Variants in CTNNBL1 observed in about 807,000 individuals in gnomAD.
The protein encoded by CTNNBL1 is beta-catenin-like protein 1.
A neutral mutation model predicts 72.7 loss-of-function variants in CTNNBL1; 31 were observed. The ratio of observed to expected loss-of-function variants is 0.43; its 90% CI spans 0.32 to 0.58. The LOEUF (loss-of-function observed/expected upper bound fraction) is 0.58. CTNNBL1 is among the 20% of genes least tolerant of loss of function. The pLI is 0.08. For missense variants in CTNNBL1, 534 were observed against 725.1 expected (o/e 0.74, Z 3.03); for synonymous variants, 240 against 267.3 (o/e 0.90, Z 1.00).
At chr20:37,836,750 G>A (rs893187218) in intron 11 of CTNNBL1, among the ~76,000 whole-genome samples, 1 of 152,202 alleles carries the variant, frequency 6.6e-6, no homozygotes. Flanking sequence ...CAGTGGATGA[G>A]GGAGTAATCT....
intron 10 of CTNNBL1, among the ~76,000 whole-genome samples, chr20:37,801,775 G>A (rs1324632641): frequency 6.6e-6 from 1 of 152,138 alleles, no homozygotes; most frequent in Admixed American, 6.5e-5. Flanking sequence ...AAGAGTGGAT[G>A]TTTCCCCCCT....
intron 1 of CTNNBL1, among the ~76,000 whole-genome samples, chr20:37,712,790 C>T (rs1387742555): frequency 5.3e-5 from 8 of 152,140 alleles, no homozygotes; most frequent in East Asian, 3.8e-4. Context: ...GAGATATGAA[C>T]GGGCAGAGAT....
chr20:37,840,274 T>C, intron 12 of CTNNBL1, 75 bp downstream of exon 12: 1 of 1,134,806 alleles, frequency 8.8e-7, no homozygotes, highest in Non-Finnish European at 1.3e-6. Flanking sequence ...ATCTGAGGGA[T>C]ACTGGGTTGA....
chr20:37,762,311 A>G (rs553835611), intron 5 of CTNNBL1, among the ~76,000 whole-genome samples: 14 of 152,340 alleles, frequency 9.2e-5, no homozygotes, highest in African/African-American at 3.4e-4. Context: ...AAAAATCCCA[A>G]TCTCATTCTT....
intron 11 of CTNNBL1, among the ~76,000 whole-genome samples, chr20:37,826,133 C>T (rs1461814901): frequency 6.6e-6 from 1 of 152,310 alleles, no homozygotes; most frequent in Non-Finnish European, 1.5e-5. Context: ...CACATCATTC[C>T]GGTCTGTTCC....
At chr20:37,722,364 C>T (rs2073047949) in intron 1 of CTNNBL1, among the ~76,000 whole-genome samples, 1 of 152,036 alleles carries the variant, frequency 6.6e-6, no homozygotes, top group Admixed American at 6.6e-5. Flanking sequence ...GTCCCAGCCA[C>T]TTGGGAGGCT....
chr20:37,702,091 G>T (rs2072849880), intron 1 of CTNNBL1, among the ~76,000 whole-genome samples: 1 of 152,168 alleles, frequency 6.6e-6, no homozygotes, highest in Non-Finnish European at 1.5e-5. Flanking sequence ...GTGTTGTCCA[G>T]GCTGGTCTTG....
At chr20:37,701,107 G>T (rs1305247450) in intron 1 of CTNNBL1, among the ~76,000 whole-genome samples, 1 of 152,130 alleles carries the variant, frequency 6.6e-6, no homozygotes, top group Non-Finnish European at 1.5e-5. Flanking sequence ...ATTTTGTGAG[G>T]CTAGAACCAT....
chr20:37,757,536 G>T lies in CTNNBL1; in HGVS notation c.467-23G>T, dbSNP rs6126084. On this transcript the variant is annotated intron_variant, in intron 4 of 15. Transcript: ENST00000361383. The stretch of plus-strand genomic sequence containing the variant: ...ATACTGGTACCGTTTCAGTATGTGT[G>T]TTATACCCTTAACATTTTTCACATG... 763 of 1,565,030 alleles carry T rather than the reference G, an allele frequency of 4.9e-4. 6 individuals are homozygous for T. In the East Asian group the frequency reaches 0.016, roughly 34 times the overall value.
intron 5 of CTNNBL1, among the ~76,000 whole-genome samples, chr20:37,764,530 A>T (rs1053598195): frequency 3.3e-5 from 5 of 152,230 alleles, no homozygotes; most frequent in African/African-American, 1.2e-4. Context: ...CAGCTGTATG[A>T]TGTGGCTACT....
At chr20:37,767,265 A>AT (rs1491264033) in intron 6 of CTNNBL1, among the ~76,000 whole-genome samples, 1 of 152,158 alleles carries the variant, frequency 6.6e-6, no homozygotes, top group Admixed American at 6.6e-5. Flanking sequence ...TTAAAAAAAA[A>AT]GAGATCTCCT....
At position 37,838,956 on chromosome 20, in the gene CTNNBL1, T is replaced by C. The variant is rs190373504; in HGVS notation, c.1214-1146T>C. ...GAGAGGGCAGGTAGACAGCTGAATATATGAGTCAGCATTCAGAGGACAGGA... is the reference window on the plus strand; with the variant it reads ...GAGAGGGCAGGTAGACAGCTGAATACATGAGTCAGCATTCAGAGGACAGGA... On this transcript the variant is annotated intron_variant, in intron 11 of 15. Coordinates refer to ENST00000361383, the MANE Select transcript of CTNNBL1 (RefSeq NM_030877.5). Among the ~76,000 whole-genome samples the C allele has an allele frequency of 5.9e-4, 90 of 152,246 alleles. 1 individual carries two copies. The highest frequency in any genetic ancestry group is 3.4e-3 in the Middle Eastern group (1 of 294).
In CTNNBL1 at chr20:37,754,282, C is replaced by CTT. The variant is rs369597087; in HGVS notation, c.467-3258_467-3257dup. Among the ~76,000 whole-genome samples the CTT allele has an allele frequency of 5.0e-3, 564 of 111,794 alleles. 5 individuals carry two copies. The highest frequency in any genetic ancestry group is 6.9e-3 in the Non-Finnish European group (370 of 53,894). 73.3% of individuals were successfully genotyped at this position (111,794 alleles called of 152,430 possible). ...TCTTATTTATGTATTTATTTATTTG[C>CTT]TTTTTTTTTTTTTTTTTTTTGAGAG... On this transcript the variant is annotated intron_variant, in intron 4 of 15. Transcript: ENST00000361383.
At chr20:37,860,972 CTG>C (rs2072486639) in intron 15 of CTNNBL1, among the ~76,000 whole-genome samples, 1 of 152,182 alleles carries the variant, frequency 6.6e-6, no homozygotes, top group Non-Finnish European at 1.5e-5. Context: ...GGTTTCAGTA[CTG>C]TGTGCAGTTT....
intron 10 of CTNNBL1, among the ~76,000 whole-genome samples, chr20:37,800,795 G>A (rs2073817565): frequency 6.6e-6 from 1 of 152,088 alleles, no homozygotes; most frequent in South Asian, 2.1e-4. Context: ...CTCCCTGATC[G>A]AAGCTAGGAA....
intron 11 of CTNNBL1, among the ~76,000 whole-genome samples, chr20:37,835,533 A>G (rs2072246414): frequency 6.6e-6 from 1 of 152,330 alleles, no homozygotes; most frequent in Non-Finnish European, 1.5e-5. Flanking sequence ...TCATATATAT[A>G]CTAATAGTGG....
At chr20:37,802,683 G>T (rs1377862559) in intron 10 of CTNNBL1, among the ~76,000 whole-genome samples, 184 bp from the exon 11 acceptor site, 1 of 151,962 alleles carries the variant, frequency 6.6e-6, no homozygotes, top group African/African-American at 2.4e-5. Context: ...ATTGCCTTTT[G>T]TGTTTATCAT....
chr20:37,832,039 G>A (rs898771980), intron 11 of CTNNBL1, among the ~76,000 whole-genome samples: 3 of 152,170 alleles, frequency 2.0e-5, no homozygotes, highest in African/African-American at 7.2e-5. Context: ...ACCCACCTTA[G>A]CACTGTCTGC....
At chr20:37,751,716 A>C (rs2073321763) in intron 4 of CTNNBL1, 1 of 152,244 alleles carries the variant, frequency 6.6e-6, no homozygotes, top group East Asian at 1.9e-4. Context: ...AGTGCTAATG[A>C]GCAAGAATAG....
Sources: gnomAD v4.1 joint callset for allele counts (sites outside exome capture counted in the v4.1 genomes callset) on GRCh38, gnomAD v4.1.1 for gene constraint, MANE v1.5 for transcripts, NCBI Gene and HGNC (gene_info 2026-07-23, HGNC 2026-07-21) for gene names.